GPHN: variants seen among roughly 807,000 people sequenced by gnomAD.
GPHN encodes gephyrin.
GPHN carries 17 observed loss-of-function variants against 95.5 expected under a neutral mutation model. The ratio of observed to expected loss-of-function variants is 0.18; its 90% CI spans 0.12 to 0.27. The LOEUF is 0.27. Among genes scored for constraint, GPHN ranks in the 10% least tolerant of loss-of-function variants. The pLI is 1.00. For synonymous variants in GPHN, 320 were observed against 322.5 expected (o/e 0.99, Z 0.08); for missense variants, 660 against 978.1 (o/e 0.67, Z 4.34).
At chr14:67,531,534 G>A in the GPHN span, among the ~76,000 whole-genome samples, 1 of 151,892 alleles carries the variant, frequency 6.6e-6, no homozygotes, top group African/African-American at 2.4e-5. Flanking sequence ...GCCCTCTACA[G>A]AAGTAACCAG....
At chr14:66,867,574 A>G (rs1337399917) in intron 4 of GPHN, among the ~76,000 whole-genome samples, 1 of 152,182 alleles carries the variant, frequency 6.6e-6, no homozygotes, top group African/African-American at 2.4e-5. Context: ...ACCATAGAAT[A>G]CTTATAGGAG....
chr14:67,140,674 G>A (rs1224944482), intron 17 of GPHN, among the ~76,000 whole-genome samples: 1 of 152,116 alleles, frequency 6.6e-6, no homozygotes, highest in Non-Finnish European at 1.5e-5. Context: ...ATGTGATGCT[G>A]TGTTTGGGAT....
At chr14:67,269,301 C>T in the GPHN span, among the ~76,000 whole-genome samples, 2 of 151,908 alleles carry the variant, frequency 1.3e-5, no homozygotes, top group Admixed American at 6.6e-5. Flanking sequence ...TTTGCTATTA[C>T]GAATACTGCT....
At chr14:67,511,014 T>C in the GPHN span, among the ~76,000 whole-genome samples, 1 of 152,128 alleles carries the variant, frequency 6.6e-6, no homozygotes, top group East Asian at 1.9e-4. Context: ...GGCCCTTCAA[T>C]CTCCTTGGCT....
chr14:67,716,475 G>A, the GPHN span, among the ~76,000 whole-genome samples: 41 of 152,202 alleles, frequency 2.7e-4, no homozygotes, highest in Non-Finnish European at 5.1e-4. Flanking sequence ...GAAATGTTAC[G>A]CTTCTTGATT....
intron 3 of GPHN, among the ~76,000 whole-genome samples, chr14:66,814,938 G>A (rs1481111283): frequency 6.6e-6 from 1 of 152,144 alleles, no homozygotes; most frequent in Non-Finnish European, 1.5e-5. Context: ...GGAGTTGACA[G>A]ACAAAATAGC....
chr14:66,620,799 GC>G (rs1209382870), intron 1 of GPHN, among the ~76,000 whole-genome samples: 1 of 152,112 alleles, frequency 6.6e-6, no homozygotes, highest in Non-Finnish European at 1.5e-5. Context: ...CTGAGACAAG[GC>G]AAGTCCCTTC....
intron 1 of GPHN, among the ~76,000 whole-genome samples, chr14:66,515,652 C>G (rs1436509428): frequency 2.0e-5 from 3 of 152,162 alleles, no homozygotes; most frequent in African/African-American, 7.2e-5. Flanking sequence ...CCTCTTCTCC[C>G]ACTTTCAAGA....
intron 3 of GPHN, among the ~76,000 whole-genome samples, chr14:66,821,710 T>G (rs2061197489): frequency 6.6e-6 from 1 of 152,120 alleles, no homozygotes; most frequent in African/African-American, 2.4e-5. Context: ...ATGATAGGAT[T>G]TCTATTTTGT....
the GPHN span, chr14:67,592,752 G>C: frequency 1.6e-6 from 2 of 1,238,528 alleles, no homozygotes; most frequent in Non-Finnish European, 2.4e-6. Context: ...CAAAGTCTAA[G>C]TGAAACTCAT....
intron 1 of GPHN, among the ~76,000 whole-genome samples, chr14:66,627,084 ACTCTTACCTTAAAATT>A (rs1459855873): frequency 6.6e-6 from 1 of 151,946 alleles, no homozygotes; most frequent in Non-Finnish European, 1.5e-5. Context: ...GCAATATATG[ACTCTTACCTTAAAATT>A]GGTATAAATC....
chr14:67,131,217 T>C (rs2079685590), intron 17 of GPHN, among the ~76,000 whole-genome samples: 1 of 152,154 alleles, frequency 6.6e-6, no homozygotes, highest in African/African-American at 2.4e-5. Flanking sequence ...TTTTTTTCTT[T>C]TTTCTCAGTT....
At chr14:67,706,408 T>G in the GPHN span, among the ~76,000 whole-genome samples, 1 of 152,214 alleles carries the variant, frequency 6.6e-6, no homozygotes, top group African/African-American at 2.4e-5. Flanking sequence ...TCGGAGGGCC[T>G]GACAACATAT....
At chr14:67,693,248 G>A in the GPHN span, among the ~76,000 whole-genome samples, 5 of 152,354 alleles carry the variant, frequency 3.3e-5, no homozygotes, top group Admixed American at 2.6e-4. Flanking sequence ...AAAGACAAAA[G>A]TGATTCTATT....
chr14:66,515,056 C>T (rs1007583225), intron 1 of GPHN, among the ~76,000 whole-genome samples: 2 of 152,012 alleles, frequency 1.3e-5, no homozygotes, highest in Non-Finnish European at 2.9e-5. Context: ...ATAGAGGTAA[C>T]GCATATGAAA....
At chr14:67,390,410 C>G in the GPHN span, among the ~76,000 whole-genome samples, 19 of 152,272 alleles carry the variant, frequency 1.2e-4, no homozygotes, top group East Asian at 3.5e-3. Flanking sequence ...TGCTTTTCCT[C>G]TGAAAATGAT....
chr14:67,173,864 T>C (rs1014307968), intron 21 of GPHN, among the ~76,000 whole-genome samples: 4 of 150,264 alleles, frequency 2.7e-5, no homozygotes, highest in Admixed American at 6.6e-5. Context: ...TTAGGAATCA[T>C]AAAAAAAAAC....
intron 13 of GPHN, 24 bp from the exon 14 acceptor site, chr14:67,110,116 T>A: frequency 6.2e-7 from 1 of 1,610,538 alleles, no homozygotes; most frequent in Non-Finnish European, 8.5e-7. Flanking sequence ...GTACATCAAC[T>A]GTCTTTTTCA....
chr14:67,059,792 A>G (rs1356409089), intron 11 of GPHN, among the ~76,000 whole-genome samples: 3 of 152,260 alleles, frequency 2.0e-5, no homozygotes, highest in East Asian at 1.9e-4. Context: ...GTTTGCCCTT[A>G]TCCTACGTCT....
Sources: gnomAD v4.1 joint callset for allele counts (sites outside exome capture counted in the v4.1 genomes callset) on GRCh38, gnomAD v4.1.1 for gene constraint, MANE v1.5 for transcripts, NCBI Gene and HGNC (gene_info 2026-07-23, HGNC 2026-07-21) for gene names.